Variants in PLCB1 observed in about 807,000 individuals in gnomAD.
The protein encoded by PLCB1 is 1-phosphatidylinositol 4,5-bisphosphate phosphodiesterase beta-1.
In PLCB1, 46 loss-of-function variants were observed where a neutral mutation model predicts 161.8. That is an observed-to-expected ratio of 0.28 (90% CI 0.22 to 0.36). The LOEUF is 0.36. PLCB1 is among the 10% of genes least tolerant of loss of function. PLCB1 has a pLI of 1.00. For synonymous variants in PLCB1, 517 were observed against 503.7 expected (o/e 1.03, Z -0.35); for missense variants, 1,016 against 1,472.5 (o/e 0.69, Z 5.07).
intron 2 of PLCB1, among the ~76,000 whole-genome samples, chr20:8,317,528 C>A (rs992409123): frequency 3.9e-5 from 6 of 151,968 alleles, no homozygotes; most frequent in African/African-American, 1.5e-4. Context: ...CCCCATCCCC[C>A]CGACACACAC....
chr20:8,707,674 A>G (rs924732686), intron 11 of PLCB1, among the ~76,000 whole-genome samples: 12 of 152,130 alleles, frequency 7.9e-5, no homozygotes, highest in African/African-American at 2.9e-4. Flanking sequence ...ATCAATCAAG[A>G]TATTAGGGAA....
intron 2 of PLCB1, among the ~76,000 whole-genome samples, chr20:8,327,287 A>G (rs905990171): frequency 3.3e-4 from 50 of 152,218 alleles, no homozygotes; most frequent in Admixed American, 1.8e-3. Flanking sequence ...TTGTTCCGCC[A>G]TATGCTAAAG....
chr20:8,788,523 G>A lies in PLCB1; in HGVS notation c.3186G>A (p.Glu1062=). 6.2e-7 allele frequency: 1 copy of A among 1,612,944 alleles called. No individual in the cohort carries two copies. The highest frequency in any genetic ancestry group is 8.5e-7 in the Non-Finnish European group (1 of 1,179,378). The stretch of plus-strand genomic sequence containing the variant: ...TAAAGAAGCTCAAAGAAATCTGTGA[G>A]AAGTAAGCCCTCATTCCCATTACAA... ...NQLKKLKEIC[E]KEKKELKKKM... Residue 1062 remains glutamate, a splice_region_variant and synonymous_variant, in exon 28 of 32, where the codon GAG becomes GAA. Transcript: ENST00000338037.
intron 31 of PLCB1, among the ~76,000 whole-genome samples, chr20:8,794,985 T>C (rs1983946387): frequency 6.6e-6 from 1 of 152,212 alleles, no homozygotes; most frequent in East Asian, 1.9e-4. Context: ...ACAATGGGCA[T>C]GTCATCTAGA....
At chr20:8,142,417 A>C (rs532907133) in intron 1 of PLCB1, among the ~76,000 whole-genome samples, 2 of 152,338 alleles carry the variant, frequency 1.3e-5, no homozygotes, top group South Asian at 4.1e-4. Context: ...TGAGAAGGAA[A>C]CTATTTATTG....
chr20:8,881,358 T>TGC (rs1987979179), intron 31 of PLCB1, among the ~76,000 whole-genome samples: 3 of 150,502 alleles, frequency 2.0e-5, no homozygotes, highest in Admixed American at 6.6e-5. Context: ...TGTGTGTGTG[T>TGC]GCATTTGTAG....
chr20:8,372,447 T>A (rs975681125), intron 3 of PLCB1, among the ~76,000 whole-genome samples: 3 of 152,108 alleles, frequency 2.0e-5, no homozygotes, highest in Admixed American at 6.6e-5. Context: ...GGCTGCTGGG[T>A]TTTTTAATTT....
At chr20:8,246,060 T>C (rs918208047) in intron 2 of PLCB1, among the ~76,000 whole-genome samples, 3 of 151,962 alleles carry the variant, frequency 2.0e-5, no homozygotes, top group Admixed American at 6.6e-5. Flanking sequence ...TGAGCATTCA[T>C]TGGTAACATG....
intron 31 of PLCB1, among the ~76,000 whole-genome samples, chr20:8,835,542 T>C (rs1986246709): frequency 1.3e-5 from 2 of 152,210 alleles, no homozygotes; most frequent in Non-Finnish European, 1.5e-5. Flanking sequence ...TACTCATTTA[T>C]GAAACAAAGA....
intron 3 of PLCB1, among the ~76,000 whole-genome samples, chr20:8,498,761 C>T (rs761533204): frequency 1.7e-4 from 26 of 152,118 alleles, no homozygotes; most frequent in Admixed American, 5.9e-4. Context: ...TTGGGGTAGG[C>T]CCAGCTAGCT....
At chr20:8,381,432 T>C (rs939700555) in intron 3 of PLCB1, among the ~76,000 whole-genome samples, 7 of 152,198 alleles carry the variant, frequency 4.6e-5, no homozygotes, top group African/African-American at 1.7e-4. Context: ...TGCCAGGTTT[T>C]GGTAACAGGA....
Position 8,718,348 on chromosome 20 carries a change from A to G in PLCB1, c.1513+500A>G, listed in dbSNP as rs1335562163. ...TAGCGGCTTAAACCAGCACAAATGT[A>G]TTATCCTCTAGTCCTGTAAGTCAGG... On this transcript the variant is annotated intron_variant, in intron 14 of 31. Transcript: ENST00000338037. Among the ~76,000 whole-genome samples the G allele has an allele frequency of 2.0e-5, 3 of 152,210 alleles. No homozygotes were observed. The East Asian group carries it at 5.8e-4, about 29-fold the overall frequency.
At chr20:8,804,454 A>C (rs907431912) in intron 31 of PLCB1, among the ~76,000 whole-genome samples, 5 of 152,190 alleles carry the variant, frequency 3.3e-5, no homozygotes, top group African/African-American at 1.2e-4. Context: ...AAGATGACAT[A>C]AAAATAAATA....
intron 3 of PLCB1, among the ~76,000 whole-genome samples, chr20:8,626,677 G>C (rs994675411): frequency 2.6e-5 from 4 of 152,238 alleles, no homozygotes; most frequent in Middle Eastern, 3.4e-3. Flanking sequence ...TGTAATCACT[G>C]ATTTAAAACG....
intron 31 of PLCB1, among the ~76,000 whole-genome samples, chr20:8,871,061 G>T (rs1275051514): frequency 6.6e-6 from 1 of 152,128 alleles, no homozygotes. Flanking sequence ...CAGAGATTTT[G>T]TATGTACATT....
At chr20:8,552,226 A>G (rs185413663) in intron 3 of PLCB1, among the ~76,000 whole-genome samples, 10 of 152,328 alleles carry the variant, frequency 6.6e-5, no homozygotes, top group African/African-American at 2.4e-4. Context: ...TGCTATGTGA[A>G]TTATTAAATA....
intron 21 of PLCB1, among the ~76,000 whole-genome samples, chr20:8,740,014 T>C (rs1980787817): frequency 6.6e-6 from 1 of 151,978 alleles, no homozygotes; most frequent in African/African-American, 2.4e-5. Flanking sequence ...AAAATAATAA[T>C]AACAATTTTT....
intron 9 of PLCB1, among the ~76,000 whole-genome samples, chr20:8,663,984 C>A (rs1382371899): frequency 6.6e-6 from 1 of 151,992 alleles, no homozygotes; most frequent in Admixed American, 6.6e-5. Flanking sequence ...CTATAGGTAC[C>A]TTTGGTAACA....
intron 3 of PLCB1, among the ~76,000 whole-genome samples, chr20:8,388,637 G>C (rs1354737682): frequency 6.6e-6 from 1 of 152,196 alleles, no homozygotes; most frequent in East Asian, 1.9e-4. Flanking sequence ...ACATGCTTCA[G>C]TAGTTTTTTT....
Sources: allele counts gnomAD v4.1 joint callset (sites outside exome capture counted in the v4.1 genomes callset), GRCh38; gene constraint gnomAD v4.1.1; transcripts MANE v1.5; gene names NCBI Gene and HGNC (gene_info 2026-07-23, HGNC 2026-07-21).